Variants in NAALADL2 observed in about 807,000 individuals in gnomAD.
NAALADL2 encodes inactive N-acetylated-alpha-linked acidic dipeptidase-like protein 2.
NAALADL2 carries 76 observed loss-of-function variants against 87.2 expected under a neutral mutation model. The ratio of observed to expected loss-of-function variants is 0.87; its 90% CI spans 0.72 to 1.05. The LOEUF (loss-of-function observed/expected upper bound fraction) is 1.05, where lower values mean the gene tolerates loss of function less well. Among genes scored for constraint, NAALADL2 ranks in the 50% least tolerant of loss-of-function variants. The pLI is 0.00. For synonymous variants in NAALADL2, 354 were observed against 331.0 expected (o/e 1.07, Z -0.75); for missense variants, 1,089 against 945.8 (o/e 1.15, Z -1.99).
At chr3:174,517,207 G>A (rs1160337361) in intron 1 of NAALADL2, among the ~76,000 whole-genome samples, 1 of 151,818 alleles carries the variant, frequency 6.6e-6, no homozygotes, top group Non-Finnish European at 1.5e-5. Flanking sequence ...GAGGTTTTGG[G>A]GGTTGTTGCT....
intron 3 of NAALADL2, among the ~76,000 whole-genome samples, chr3:174,776,731 ATTC>A (rs757557729): frequency 4.6e-5 from 7 of 152,178 alleles, no homozygotes; most frequent in Non-Finnish European, 8.8e-5. Context: ...TTCATGAAGA[ATTC>A]TTATATACTT....
chr3:174,832,319 C>T lies in NAALADL2; in HGVS notation c.-9+94573C>T, dbSNP rs568377350. Among the ~76,000 whole-genome samples the T allele has an allele frequency of 3.9e-5, 6 of 152,168 alleles. No individual in the cohort carries two copies. The South Asian group carries it at 6.2e-4, about 16-fold the overall frequency. On this transcript the variant is annotated intron_variant, in intron 3 of 3. Transcript: ENST00000434257. ...TTCTGGTATGTTTTGTCTTTGTTCT[C>T]GTTGGTTTCAAAGAACATCTTTATT...
At chr3:175,149,004 A>G (rs184036367) in intron 2 of NAALADL2, among the ~76,000 whole-genome samples, 1 of 152,180 alleles carries the variant, frequency 6.6e-6, no homozygotes, top group Non-Finnish European at 1.5e-5. Context: ...TTCTAGTTTC[A>G]TAGGAATAAC....
chr3:175,701,025 GACA>G (rs1263311733), intron 11 of NAALADL2, among the ~76,000 whole-genome samples: 1 of 152,138 alleles, frequency 6.6e-6, no homozygotes, highest in African/African-American at 2.4e-5. Context: ...CCACCCAAAT[GACA>G]ACAACCTAGG....
At chr3:174,474,837 A>G (rs1717115566) in intron 1 of NAALADL2, among the ~76,000 whole-genome samples, 1 of 152,152 alleles carries the variant, frequency 6.6e-6, no homozygotes, top group Non-Finnish European at 1.5e-5. Context: ...GAATTTTGTT[A>G]TTAGAAAGAA....
rs959678050 is a variant in NAALADL2, at chr3:174,806,081, T to C, written c.-9+68335T>C. 3.0e-4 allele frequency among the ~76,000 whole-genome samples: 46 copies of C among 152,192 alleles called. 1 individual carries two copies. The highest frequency in any genetic ancestry group is 1.0e-4 in the Non-Finnish European group (7 of 68,034). The stretch of plus-strand genomic sequence containing the variant: ...ACTATACAAGTGTTCACTTTCTTCT[T>C]GGATGATGAATTAGTAATTAGGCCC... On this transcript the variant is annotated intron_variant, in intron 3 of 3. Coordinates refer to the NAALADL2 transcript ENST00000434257.
intron 1 of NAALADL2, among the ~76,000 whole-genome samples, chr3:174,983,479 A>G (rs143635250): frequency 6.6e-6 from 1 of 152,304 alleles, no homozygotes; most frequent in East Asian, 1.9e-4. Context: ...TGAGTACCTT[A>G]TAAACGATGG....
At chr3:175,712,229 A>G (rs1171469223) in intron 11 of NAALADL2, among the ~76,000 whole-genome samples, 1 of 152,092 alleles carries the variant, frequency 6.6e-6, no homozygotes, top group African/African-American at 2.4e-5. Flanking sequence ...TTTGATTTAA[A>G]TTATGTCCTT....
At chr3:174,672,717 T>A (rs907434897) in intron 2 of NAALADL2, among the ~76,000 whole-genome samples, 1 of 151,972 alleles carries the variant, frequency 6.6e-6, no homozygotes, top group African/African-American at 2.4e-5. Flanking sequence ...GAGTAAAGCA[T>A]GTGATTATTA....
intron 1 of NAALADL2, among the ~76,000 whole-genome samples, chr3:174,867,119 T>G (rs1416115600): frequency 6.6e-6 from 1 of 151,462 alleles, no homozygotes; most frequent in Non-Finnish European, 1.5e-5. Context: ...TTAACTAAAT[T>G]GATTAGATAA....
intron 1 of NAALADL2, among the ~76,000 whole-genome samples, chr3:174,881,281 C>T (rs978624789): frequency 3.9e-5 from 6 of 152,078 alleles, no homozygotes; most frequent in Non-Finnish European, 8.8e-5. Flanking sequence ...CTCCACTCTA[C>T]TTTTTACATT....
chr3:175,232,682 G>A (rs1745164104), intron 2 of NAALADL2, among the ~76,000 whole-genome samples: 1 of 152,176 alleles, frequency 6.6e-6, no homozygotes, highest in African/African-American at 2.4e-5. Flanking sequence ...CGGGCCATAG[G>A]TTGAACAAGC....
intron 11 of NAALADL2, among the ~76,000 whole-genome samples, chr3:175,657,163 T>C (rs574794879): frequency 6.6e-6 from 1 of 152,326 alleles, no homozygotes; most frequent in South Asian, 2.1e-4. Flanking sequence ...TCAGGCTGTC[T>C]CTGATTTCAT....
rs541381726 is a variant in NAALADL2, at chr3:175,561,084, A to G, written c.1654-14957A>G. Among the ~76,000 whole-genome samples the G allele has an allele frequency of 5.3e-5, 8 of 152,296 alleles. No homozygotes were observed. In the South Asian group the frequency reaches 6.2e-4, roughly 12 times the overall value. On this transcript the variant is annotated intron_variant, in intron 9 of 13. Transcript: ENST00000454872. ...GTCTAAGGCCTGCTATTGGGAAAAA[A>G]TTTGGTTTATAAATTTATAGCAAGT...
intron 11 of NAALADL2, among the ~76,000 whole-genome samples, chr3:175,733,426 C>T (rs1214034344): frequency 3.9e-5 from 6 of 152,124 alleles, no homozygotes; most frequent in Non-Finnish European, 7.4e-5. Context: ...GAGACCCATT[C>T]ACTATCACAA....
At chr3:174,867,993 G>T (rs1021500518) in intron 1 of NAALADL2, among the ~76,000 whole-genome samples, 1 of 152,046 alleles carries the variant, frequency 6.6e-6, no homozygotes, top group African/African-American at 2.4e-5. Context: ...TAGAGCAGCA[G>T]AATGTAAGGA....
intron 2 of NAALADL2, among the ~76,000 whole-genome samples, chr3:174,700,395 A>G (rs1195326475): frequency 6.6e-6 from 1 of 152,186 alleles, no homozygotes; most frequent in African/African-American, 2.4e-5. Flanking sequence ...TTGTAATCTT[A>G]GAATCAATCT....
chr3:175,305,766 C>A (rs1291317445), intron 4 of NAALADL2, among the ~76,000 whole-genome samples: 1 of 152,148 alleles, frequency 6.6e-6, no homozygotes, highest in Admixed American at 6.5e-5. Flanking sequence ...AGGTGATCCA[C>A]CTGCCTCGGC....
intron 3 of NAALADL2, among the ~76,000 whole-genome samples, chr3:174,774,681 GCA>G (rs909119159): frequency 2.2e-4 from 33 of 152,252 alleles, no homozygotes; most frequent in African/African-American, 7.9e-4. Context: ...TGGCAGTTCT[GCA>G]CCAAGAGGAA....
Sources: allele counts gnomAD v4.1 joint callset (sites outside exome capture counted in the v4.1 genomes callset), GRCh38; gene constraint gnomAD v4.1.1; transcripts MANE v1.5; gene names NCBI Gene and HGNC (gene_info 2026-07-23, HGNC 2026-07-21).